ABCB5: variants seen among roughly 807,000 people sequenced by gnomAD.
ABCB5 encodes ATP binding cassette subfamily B member 5.
ABCB5 carries 155 observed loss-of-function variants against 144.2 expected under a neutral mutation model. The ratio of observed to expected loss-of-function variants is 1.08; its 90% CI spans 0.94 to 1.23. The LOEUF (loss-of-function observed/expected upper bound fraction) is 1.23, where lower values mean the gene tolerates loss of function less well. Ranked by LOEUF, ABCB5 falls within the 50% of genes most tolerant of loss-of-function variation. ABCB5 has a pLI of 0.00. For missense variants in ABCB5, 1,830 were observed against 1,520.8 expected (o/e 1.20, Z -3.38); for synonymous variants, 610 against 528.6 (o/e 1.15, Z -2.11).
At chr7:20,737,573 T>C (rs1188593736) in intron 23 of ABCB5, among the ~76,000 whole-genome samples, 1 of 152,166 alleles carries the variant, frequency 6.6e-6, no homozygotes, top group Non-Finnish European at 1.5e-5. Flanking sequence ...ATATCTCAAA[T>C]CATGGGAAGA....
chr7:20,704,874 T>C (rs1250839912), intron 20 of ABCB5, 67 bp downstream of exon 20: 24 of 1,290,814 alleles, frequency 1.9e-5, no homozygotes, highest in Non-Finnish European at 2.5e-5. Context: ...TGCACACATG[T>C]GTCTGTGCAT....
chr7:20,618,317 G>C (rs1380166418), intron 1 of ABCB5, among the ~76,000 whole-genome samples: 4 of 151,912 alleles, frequency 2.6e-5, no homozygotes, highest in Non-Finnish European at 5.9e-5. Context: ...TTCGTGATTG[G>C]GTTATTGTAC....
chr7:20,640,333 C>A (rs1015418068), intron 5 of ABCB5, among the ~76,000 whole-genome samples: 10 of 152,164 alleles, frequency 6.6e-5, no homozygotes, highest in Non-Finnish European at 1.0e-4. Flanking sequence ...CCAAATAATA[C>A]ACAACCTCAC....
chr7:20,699,438 C>T (rs762097895), intron 17 of ABCB5, among the ~76,000 whole-genome samples: 3 of 152,168 alleles, frequency 2.0e-5, no homozygotes, highest in African/African-American at 4.8e-5. Flanking sequence ...CAATGGCTCA[C>T]GCCTGTAATC....
At chr7:20,619,473 T>C (rs2128015604) in intron 1 of ABCB5, among the ~76,000 whole-genome samples, 2 of 152,336 alleles carry the variant, frequency 1.3e-5, no homozygotes, top group South Asian at 4.1e-4. Flanking sequence ...TGGCCACTTG[T>C]ATGTCTTCTC....
Position 20,646,134 on chromosome 7 carries a change from T to G in ABCB5, c.977T>G (p.Leu326Arg). The G allele has an allele frequency of 6.2e-7, 1 of 1,610,372 alleles. No individual in the cohort carries two copies. The highest frequency in any genetic ancestry group is 8.5e-7 in the Non-Finnish European group (1 of 1,178,842). The change falls in exon 9 of 28, where the codon CTT becomes CGT. Residue 326 changes from leucine to arginine, a missense_variant. Transcript: ENST00000404938. ...CCTGGATATACCATCGGGACTGTTC[T>G]TGCTGTAAGTCTTGTTTGAGAACAA... is the stretch of plus-strand genomic sequence containing the variant. The part of the protein sequence containing the change: ...GEPGYTIGTV[L>R]AVFFSVIHSS...
chr7:20,703,912 T>C (rs1210868305), intron 19 of ABCB5, among the ~76,000 whole-genome samples: 4 of 152,138 alleles, frequency 2.6e-5, no homozygotes, highest in African/African-American at 9.7e-5. Flanking sequence ...CCCTTTTAGC[T>C]TCTCACAACG....
At position 20,748,725 on chromosome 7, in the gene ABCB5, T is replaced by C. The variant is rs930224143; in HGVS notation, c.3429+3287T>C. On this transcript the variant is annotated intron_variant, in intron 26 of 27. Coordinates refer to ENST00000404938, the MANE Select transcript of ABCB5 (RefSeq NM_001163941.2). Reference sequence around the variant, plus strand: ...CAAATAAGTGGAGCCCAGCACTCCCTCCAAATACATGGCCACAGTGGCAGT... The same window carrying C: ...CAAATAAGTGGAGCCCAGCACTCCCCCCAAATACATGGCCACAGTGGCAGT... Among the ~76,000 whole-genome samples, 5 of 144,454 alleles carry C rather than the reference T, an allele frequency of 3.5e-5. No homozygotes were observed. The Admixed American group carries it at 3.5e-4, about 10-fold the overall frequency. 94.8% of individuals were successfully genotyped at this position (144,454 alleles called of 152,430 possible). A position where few individuals can be genotyped will look rare whatever the true frequency, so the allele number is the denominator to read the frequency against.
chr7:20,734,190 A>C (rs750147365), intron 23 of ABCB5, among the ~76,000 whole-genome samples: 31 of 152,006 alleles, frequency 2.0e-4, no homozygotes, highest in Admixed American at 1.2e-3. Flanking sequence ...CCCTTTAGAC[A>C]CACTAAATGA....
chr7:20,694,425 T>C (rs1645444458), intron 16 of ABCB5, among the ~76,000 whole-genome samples: 1 of 152,074 alleles, frequency 6.6e-6, no homozygotes, highest in Non-Finnish European at 1.5e-5. Context: ...CCATCATTTT[T>C]TGATAACTCT....
rs202177899 is a variant in ABCB5 at position 20,628,182 on chromosome 7, C to T, written c.109-506C>T. 2.8e-4 allele frequency among the ~76,000 whole-genome samples: 43 copies of T among 152,196 alleles called. No individual in the cohort carries two copies. The South Asian group carries it at 7.3e-3, about 26-fold the overall frequency. On this transcript the variant is annotated intron_variant, in intron 3 of 27. Transcript: ENST00000404938. ...CAGCCTCCCACCCCACAACAGGCCC[C>T]GGTGTGTGATGTTCCCCACCCTGTG...
At chr7:20,634,800 GA>G (rs1784117240) in intron 5 of ABCB5, among the ~76,000 whole-genome samples, 1 of 152,014 alleles carries the variant, frequency 6.6e-6, no homozygotes, top group Admixed American at 6.6e-5. Context: ...GTAGATTCTA[GA>G]TATTAGTTTT....
At chr7:20,707,797 A>ATTTTT (rs1211525231) in intron 20 of ABCB5, among the ~76,000 whole-genome samples, 8 of 99,074 alleles carry the variant, frequency 8.1e-5, no homozygotes, top group African/African-American at 2.6e-4. Context: ...TGGTAACCTC[A>ATTTTT]TTTCTTTTTT....
intron 19 of ABCB5, among the ~76,000 whole-genome samples, chr7:20,701,726 A>G (rs1446141310): frequency 6.6e-6 from 1 of 152,246 alleles, no homozygotes; most frequent in African/African-American, 2.4e-5. Context: ...TATCATGTAC[A>G]TACTCACAAA....
rs748103889 is a variant in ABCB5 at position 20,755,643 on chromosome 7, T to C, written c.*19T>C. On this transcript the variant is annotated 3_prime_UTR_variant, in exon 28 of 28. Coordinates refer to ENST00000404938, the MANE Select transcript of ABCB5 (RefSeq NM_001163941.2). ...GCAGTGATGCTGTTGAGGTAGCACA[T>C]ATTTTGATGTTCGTGTAATGCAAAG... is the stretch of plus-strand genomic sequence containing the variant. 2.0e-5 allele frequency: 32 copies of C among 1,610,590 alleles called. No individual in the cohort carries two copies. In the East Asian group the frequency reaches 7.1e-4, roughly 36 times the overall value.
intron 27 of ABCB5, among the ~76,000 whole-genome samples, chr7:20,754,075 G>A (rs1352894979): frequency 6.6e-6 from 1 of 152,196 alleles, no homozygotes; most frequent in Non-Finnish European, 1.5e-5. Context: ...TTTAGTAAAT[G>A]AACATTGGTT....
At chr7:20,701,625 G>T (rs1349894486) in intron 19 of ABCB5, among the ~76,000 whole-genome samples, 1 of 152,156 alleles carries the variant, frequency 6.6e-6, no homozygotes, top group African/African-American at 2.4e-5. Context: ...CATTAGCCAT[G>T]TGAATATTAG....
intron 12 of ABCB5, among the ~76,000 whole-genome samples, chr7:20,650,431 G>A (rs552313976): frequency 6.6e-6 from 1 of 152,118 alleles, no homozygotes; most frequent in Non-Finnish European, 1.5e-5. Context: ...AAAAAAATAA[G>A]TAAATTATAT....
rs1266504986 is a variant in ABCB5, at chr7:20,745,852, C to T, written c.3429+414C>T. 3.9e-5 allele frequency among the ~76,000 whole-genome samples: 6 copies of T among 152,210 alleles called. No individual in the cohort carries two copies. In the East Asian group the frequency reaches 1.2e-3, roughly 29 times the overall value. On this transcript the variant is annotated intron_variant, in intron 26 of 27. Coordinates refer to ENST00000404938, the MANE Select transcript of ABCB5 (RefSeq NM_001163941.2). The stretch of plus-strand genomic sequence containing the variant: ...CCTATCCCTCCCCTGCTCACAACTG[C>T]CTCATGGCTCCCCTGTGCGCTTAGA...
Sources: gnomAD v4.1 joint callset for allele counts (sites outside exome capture counted in the v4.1 genomes callset) on GRCh38, gnomAD v4.1.1 for gene constraint, MANE v1.5 for transcripts, NCBI Gene and HGNC (gene_info 2026-07-23, HGNC 2026-07-21) for gene names.